PRKG1: variants seen among roughly 807,000 people sequenced by gnomAD.
PRKG1 encodes the protein cGMP-dependent protein kinase 1.
In PRKG1, 35 loss-of-function variants were observed where a neutral mutation model predicts 88.1. That is an observed-to-expected ratio of 0.40 (90% CI 0.30 to 0.53). PRKG1 has a LOEUF of 0.53. Among genes scored for constraint, PRKG1 ranks in the 20% least tolerant of loss-of-function variants. The pLI is 0.59. For missense variants in PRKG1, 540 were observed against 839.8 expected (o/e 0.64, Z 4.41); for synonymous variants, 303 against 292.5 (o/e 1.04, Z -0.37).
chr10:51,032,483 C>A (rs2339682), intron 1 of PRKG1, among the ~76,000 whole-genome samples: 4,005 of 152,094 alleles, frequency 0.026, 103 homozygotes, highest in African/African-American at 0.064. Flanking sequence ...TTGGTGCCAG[C>A]CATGGTGGCT....
chr10:51,343,267 A>T (rs1348641757), intron 2 of PRKG1, among the ~76,000 whole-genome samples: 1 of 152,128 alleles, frequency 6.6e-6, no homozygotes, highest in East Asian at 1.9e-4. Flanking sequence ...TCTCCAGTTC[A>T]AGCTCTGGGG....
At position 51,480,082 on chromosome 10, in the gene PRKG1, G is replaced by C. The variant is rs75347793; in HGVS notation, c.592+12246G>C. 2.1e-3 allele frequency among the ~76,000 whole-genome samples: 323 copies of C among 152,126 alleles called. 2 individuals carry two copies. Among genetic ancestry groups the C allele is most frequent in the African/African-American group, 7.4e-3 (306 of 41,516 alleles). On this transcript the variant is annotated intron_variant, in intron 3 of 17. Coordinates refer to ENST00000373980, the MANE Select transcript of PRKG1 (RefSeq NM_006258.4). ...AATGTCTCTGAGCATTAGTTAAGTAGGCACTAGATTTCTCTTCCAGATGAG... is the reference window on the plus strand; with the variant it reads ...AATGTCTCTGAGCATTAGTTAAGTACGCACTAGATTTCTCTTCCAGATGAG...
intron 3 of PRKG1, among the ~76,000 whole-genome samples, chr10:51,567,137 T>C (rs1166092376): frequency 6.6e-6 from 1 of 152,086 alleles, no homozygotes; most frequent in African/African-American, 2.4e-5. Context: ...AGGATTCAAC[T>C]CAATTTTAAA....
intron 3 of PRKG1, among the ~76,000 whole-genome samples, chr10:51,574,697 A>C (rs1467612908): frequency 1.3e-5 from 2 of 151,972 alleles, no homozygotes; most frequent in Non-Finnish European, 2.9e-5. Context: ...CACCTACTAC[A>C]GATGTGTGAG....
chr10:52,174,882 A>G (rs538344122), intron 9 of PRKG1, among the ~76,000 whole-genome samples: 6 of 152,188 alleles, frequency 3.9e-5, no homozygotes, highest in African/African-American at 1.4e-4. Context: ...ATTGATATAT[A>G]TAACTGTTCA....
At chr10:51,562,730 C>T (rs1243932662) in intron 3 of PRKG1, among the ~76,000 whole-genome samples, 6 of 152,166 alleles carry the variant, frequency 3.9e-5, no homozygotes, top group Non-Finnish European at 8.8e-5. Context: ...TAACAATCAA[C>T]ATTTATCAAT....
intron 4 of PRKG1, among the ~76,000 whole-genome samples, chr10:51,887,182 G>T (rs1022769903): frequency 6.6e-6 from 1 of 151,978 alleles, no homozygotes; most frequent in Non-Finnish European, 1.5e-5. Flanking sequence ...ACAGGGTTTC[G>T]CCATATTGAC....
intron 5 of PRKG1, among the ~76,000 whole-genome samples, chr10:52,025,770 A>G (rs1295430039): frequency 6.6e-6 from 1 of 151,884 alleles, no homozygotes; most frequent in Non-Finnish European, 1.5e-5. Context: ...TGATGCCTCC[A>G]GCTTAGGATT....
At chr10:51,734,077 A>G (rs1484917378) in intron 3 of PRKG1, among the ~76,000 whole-genome samples, 1 of 152,148 alleles carries the variant, frequency 6.6e-6, no homozygotes, top group Non-Finnish European at 1.5e-5. Context: ...TTTTTAAAAA[A>G]AAATTATTAT....
intron 2 of PRKG1, among the ~76,000 whole-genome samples, chr10:51,459,383 C>G (rs940473804): frequency 6.6e-6 from 1 of 152,054 alleles, no homozygotes; most frequent in Non-Finnish European, 1.5e-5. Flanking sequence ...TTCTCTGTAA[C>G]CTCTAGCTTC....
chr10:51,766,228 G>A (rs1050097382), intron 3 of PRKG1, among the ~76,000 whole-genome samples: 5 of 133,014 alleles, frequency 3.8e-5, no homozygotes, highest in African/African-American at 1.3e-4. Context: ...AGTTAAATAC[G>A]ACGCTTTTAT....
intron 3 of PRKG1, among the ~76,000 whole-genome samples, chr10:51,533,234 C>G (rs1842059858): frequency 6.6e-6 from 1 of 152,060 alleles, no homozygotes; most frequent in African/African-American, 2.4e-5. Context: ...ATGGATTTTT[C>G]CTTTCAATAA....
chr10:51,554,046 G>A (rs192130717), intron 3 of PRKG1, among the ~76,000 whole-genome samples: 2,019 of 125,948 alleles, frequency 0.016, 46 homozygotes, highest in Non-Finnish European at 0.023. Context: ...TATTATATGT[G>A]CGTATGTGAT....
At chr10:51,442,770 A>C (rs542925065) in intron 2 of PRKG1, among the ~76,000 whole-genome samples, 35 of 152,198 alleles carry the variant, frequency 2.3e-4, no homozygotes, top group African/African-American at 7.7e-4. Context: ...AAAAAGTGTC[A>C]TTGGTCCACA....
chr10:51,942,859 T>C (rs1842940706), intron 5 of PRKG1, among the ~76,000 whole-genome samples: 1 of 150,708 alleles, frequency 6.6e-6, no homozygotes, highest in Admixed American at 6.6e-5. Flanking sequence ...ACTGTAGCCT[T>C]GTAGTATAGT....
chr10:51,566,816 T>G (rs947849408), intron 3 of PRKG1, among the ~76,000 whole-genome samples: 11 of 152,094 alleles, frequency 7.2e-5, no homozygotes, highest in African/African-American at 2.2e-4. Context: ...GATCACTGAT[T>G]GTTCTTTTAA....
At chr10:51,093,799 T>TACACAC (rs796209546) in intron 1 of PRKG1, among the ~76,000 whole-genome samples, 28 of 127,788 alleles carry the variant, frequency 2.2e-4, no homozygotes, top group African/African-American at 4.8e-4. Flanking sequence ...TATATATATA[T>TACACAC]ATACACACAC....
chr10:51,853,488 T>G (rs1417969599), intron 4 of PRKG1, among the ~76,000 whole-genome samples: 1 of 152,084 alleles, frequency 6.6e-6, no homozygotes, highest in Non-Finnish European at 1.5e-5. Context: ...ATAGCACACG[T>G]GGAGGAGTAT....
chr10:52,113,856 G>T (rs1413615268), intron 7 of PRKG1, among the ~76,000 whole-genome samples: 2 of 152,100 alleles, frequency 1.3e-5, no homozygotes, highest in Non-Finnish European at 2.9e-5. Context: ...GCTACAAATT[G>T]TATCTATTGA....
Sources: gnomAD v4.1 joint callset for allele counts (sites outside exome capture counted in the v4.1 genomes callset) on GRCh38, gnomAD v4.1.1 for gene constraint, MANE v1.5 for transcripts, NCBI Gene and HGNC (gene_info 2026-07-23, HGNC 2026-07-21) for gene names.